The following KCTD8 variants were observed in gnomAD, a reference collection of about 807,000 sequenced individuals.
The protein encoded by KCTD8 is potassium channel tetramerization domain containing 8.
Under a neutral mutation model 31.5 loss-of-function variants are expected in KCTD8, and 27 were observed. The observed-to-expected ratio is 0.86, with a 90% CI of 0.63 to 1.18. KCTD8 has a LOEUF of 1.18. Ranked by LOEUF, KCTD8 falls within the 50% of genes most tolerant of loss-of-function variation. The pLI is 0.00. For synonymous variants in KCTD8, 290 were observed against 280.0 expected (o/e 1.04, Z -0.36); for missense variants, 658 against 647.7 (o/e 1.02, Z -0.17).
intron 1 of KCTD8, among the ~76,000 whole-genome samples, chr4:44,442,256 T>C (rs954179634): frequency 2.6e-5 from 4 of 152,142 alleles, no homozygotes; most frequent in Admixed American, 6.6e-5. Context: ...TTTTTTGTAA[T>C]GAGAACATTT....
intron 1 of KCTD8, among the ~76,000 whole-genome samples, chr4:44,424,958 T>C (rs1449990843): frequency 6.6e-6 from 1 of 151,860 alleles, no homozygotes; most frequent in Non-Finnish European, 1.5e-5. Flanking sequence ...GTAAATAAGG[T>C]TAAATGAGTT....
intron 1 of KCTD8, among the ~76,000 whole-genome samples, chr4:44,202,929 C>A (rs988349030): frequency 1.3e-5 from 2 of 152,074 alleles, no homozygotes; most frequent in African/African-American, 2.4e-5. Context: ...CACACATACA[C>A]ACAAAATCTA....
chr4:44,218,640 G>GA (rs33947810), intron 1 of KCTD8, among the ~76,000 whole-genome samples: 1 of 148,216 alleles, frequency 6.7e-6, no homozygotes, highest in Non-Finnish European at 1.5e-5. Flanking sequence ...AATAAATAAA[G>GA]AAAAAAAAAT....
chr4:44,209,431 T>C (rs969971429), intron 1 of KCTD8, among the ~76,000 whole-genome samples: 2 of 152,064 alleles, frequency 1.3e-5, no homozygotes, highest in African/African-American at 2.4e-5. Context: ...ACCACATACA[T>C]AATTTGTTCT....
intron 1 of KCTD8, among the ~76,000 whole-genome samples, chr4:44,374,409 T>C (rs1719867949): frequency 6.6e-6 from 1 of 152,206 alleles, no homozygotes. Flanking sequence ...TGGTTTGATC[T>C]TCCATGCAGA....
chr4:44,239,403 A>T (rs758339052), intron 1 of KCTD8, among the ~76,000 whole-genome samples: 5 of 152,166 alleles, frequency 3.3e-5, no homozygotes, highest in Non-Finnish European at 7.4e-5. Flanking sequence ...CTATGTTTCC[A>T]CGGTAGTAAC....
chr4:44,447,473 C>T (rs745421635), intron 1 of KCTD8, 90 bp downstream of exon 1: 1 of 1,429,462 alleles, frequency 7.0e-7, no homozygotes, highest in Admixed American at 2.9e-5. Context: ...CTGCCCCGGA[C>T]ACCCCCGCGG....
intron 1 of KCTD8, among the ~76,000 whole-genome samples, chr4:44,215,490 T>A (rs752560414): frequency 6.6e-6 from 1 of 152,190 alleles, no homozygotes; most frequent in Admixed American, 6.5e-5. Context: ...ATAACTTTTA[T>A]AGGGAAACTT....
intron 1 of KCTD8, among the ~76,000 whole-genome samples, chr4:44,383,818 A>G (rs1720137152): frequency 6.6e-6 from 1 of 152,086 alleles, no homozygotes; most frequent in African/African-American, 2.4e-5. Context: ...AATCAAAAAT[A>G]GACAAAGTTA....
chr4:44,235,540 T>C (rs1715254086), intron 1 of KCTD8, among the ~76,000 whole-genome samples: 1 of 8,692 alleles, frequency 1.2e-4, no homozygotes, highest in East Asian at 4.9e-3. Context: ...TATATATATA[T>C]ATATATATAT....
chr4:44,197,354 G>A (rs1713977412), intron 1 of KCTD8, among the ~76,000 whole-genome samples: 1 of 152,030 alleles, frequency 6.6e-6, no homozygotes, highest in African/African-American at 2.4e-5. Flanking sequence ...TGGAACAAGT[G>A]AAAAAGGAAA....
chr4:44,436,851 C>T lies in KCTD8; in HGVS notation c.961+10712G>A, dbSNP rs1361293678. 5.3e-5 allele frequency among the ~76,000 whole-genome samples: 8 copies of T among 152,028 alleles called. No homozygotes were observed. The East Asian group carries it at 5.8e-4, about 11-fold the overall frequency. ...AAAACTGCAGCCTTAGCAAAAGGTA[C>T]GACTGGTGCTCTTTCACACAAAGGC... On this transcript the variant is annotated intron_variant, in intron 1 of 1. Transcript: ENST00000360029.
intron 1 of KCTD8, among the ~76,000 whole-genome samples, chr4:44,430,935 C>G (rs1721488886): frequency 1.3e-5 from 2 of 151,120 alleles, no homozygotes; most frequent in Non-Finnish European, 3.0e-5. Context: ...TTCTTGTCAT[C>G]CATTGCAGAC....
chr4:44,414,315 T>C (rs1454251292), intron 1 of KCTD8, among the ~76,000 whole-genome samples: 1 of 152,040 alleles, frequency 6.6e-6, no homozygotes, highest in African/African-American at 2.4e-5. Flanking sequence ...GCAGACCTGA[T>C]TGGGTTTTTA....
intron 1 of KCTD8, among the ~76,000 whole-genome samples, chr4:44,323,505 C>CCG (rs1560426260): frequency 7.5e-6 from 1 of 132,658 alleles, no homozygotes; most frequent in Non-Finnish European, 1.6e-5. Context: ...CACCCACCCC[C>CCG]CCCCAAAAAA....
intron 1 of KCTD8, among the ~76,000 whole-genome samples, chr4:44,423,081 G>A (rs1468130683): frequency 6.6e-6 from 1 of 152,004 alleles, no homozygotes; most frequent in African/African-American, 2.4e-5. Context: ...CTGAAAATCT[G>A]GGAACATTTT....
At chr4:44,204,495 G>A (rs1024359969) in intron 1 of KCTD8, among the ~76,000 whole-genome samples, 3 of 152,102 alleles carry the variant, frequency 2.0e-5, no homozygotes, top group Admixed American at 6.6e-5. Context: ...GCAGCCCCCA[G>A]TCATGTACCC....
At chr4:44,398,007 T>C (rs1386676809) in intron 1 of KCTD8, among the ~76,000 whole-genome samples, 1 of 152,156 alleles carries the variant, frequency 6.6e-6, no homozygotes, top group Admixed American at 6.6e-5. Flanking sequence ...TGCAATCGAC[T>C]CACTGCACAG....
chr4:44,335,714 G>A (rs1215674676), intron 1 of KCTD8, among the ~76,000 whole-genome samples: 1 of 151,800 alleles, frequency 6.6e-6, no homozygotes, highest in Admixed American at 6.6e-5. Context: ...ATACTTTTAG[G>A]GAAAGACCTA....
Sources: allele counts gnomAD v4.1 joint callset (sites outside exome capture counted in the v4.1 genomes callset), GRCh38; gene constraint gnomAD v4.1.1; transcripts MANE v1.5; gene names NCBI Gene and HGNC (gene_info 2026-07-23, HGNC 2026-07-21).